Variants in ANKRD2 observed in about 807,000 individuals in gnomAD.
The protein encoded by ANKRD2 is ankyrin repeat domain 2, also known as ankyrin repeat domain-containing protein 2.
Under a neutral mutation model 37.3 loss-of-function variants are expected in ANKRD2, and 35 were observed. The ratio of observed to expected loss-of-function variants is 0.94; its 90% CI spans 0.72 to 1.24. The LOEUF (loss-of-function observed/expected upper bound fraction) is 1.24. ANKRD2 is among the 50% of genes most tolerant of loss of function. The pLI is 0.00. For synonymous variants in ANKRD2, 159 were observed against 186.5 expected (o/e 0.85, Z 1.20); for missense variants, 410 against 445.6 (o/e 0.92, Z 0.72).
intron 5 of ANKRD2, 100 bp from the exon 6 acceptor site, chr10:97,581,216 T>C: frequency 8.0e-7 from 1 of 1,257,630 alleles, no homozygotes; most frequent in Non-Finnish European, 1.1e-6. Flanking sequence ...TCCCTGTACC[T>C]TTCCCCTAGA....
chr10:97,581,724 G>A (rs2040900788), intron 6 of ANKRD2, among the ~76,000 whole-genome samples: 1 of 152,210 alleles, frequency 6.6e-6, no homozygotes, highest in Admixed American at 6.5e-5. Flanking sequence ...ATTTGTTCAT[G>A]TTATCTGTCA....
At chr10:97,582,846 C>G in intron 8 of ANKRD2, 144 bp downstream of exon 8, 1 of 683,194 alleles carries the variant, frequency 1.5e-6, no homozygotes, top group South Asian at 1.7e-5. Flanking sequence ...TTGTCCTCTT[C>G]CAGAGCACCA....
At position 97,580,871 on chromosome 10, in the gene ANKRD2, T is replaced by C; in HGVS notation, c.473T>C (p.Leu158Pro). 6.2e-7 allele frequency: 1 copy of C among 1,611,244 alleles called. No individual in the cohort carries two copies. Among genetic ancestry groups the C allele is most frequent in the Non-Finnish European group, 8.5e-7 (1 of 1,178,988 alleles). The change falls in exon 5 of 9, where the codon CTG becomes CCG. Residue 158 changes from leucine (L) to proline (P), a missense_variant. By Grantham distance (98) the Leu-to-Pro change is moderately conservative. Coordinates refer to ENST00000370655, the MANE Select transcript of ANKRD2 (RefSeq NM_001346793.2). ...DTCDQFRRTA[L>P]HRASLEGHME... ...TGGGGACAGTTCCGTCGGACAGCAC[T>C]GCACCGAGCTTCCCTGGAAGGCCAC...
At chr10:97,578,049 A>G in intron 2 of ANKRD2, 148 bp downstream of exon 2, 1 of 1,069,348 alleles carries the variant, frequency 9.4e-7, no homozygotes, top group Non-Finnish European at 1.3e-6. Context: ...GCCCCGTCCC[A>G]GAACTACTGA....
At position 97,582,590 on chromosome 10, in the gene ANKRD2, C is replaced by T. The variant is rs1335487175; in HGVS notation, c.754-14C>T. ...TGCCCACAAGGGCCATAGTGAGTGC[C>T]ACACTGACTCTAGGAAGGGGATACT... On this transcript the variant is annotated splice_polypyrimidine_tract_variant and intron_variant, in intron 7 of 8. Transcript: ENST00000370655. The T allele has an allele frequency of 1.2e-6, 2 of 1,611,736 alleles. No homozygotes were observed. Among genetic ancestry groups the T allele is most frequent in the Non-Finnish European group, 1.7e-6 (2 of 1,178,058 alleles).
chr10:97,581,731 G>A (rs1478574419), intron 6 of ANKRD2, among the ~76,000 whole-genome samples: 1 of 152,228 alleles, frequency 6.6e-6, no homozygotes, highest in Non-Finnish European at 1.5e-5. Flanking sequence ...CATGTTATCT[G>A]TCATTATCCT....
intron 4 of ANKRD2, among the ~76,000 whole-genome samples, chr10:97,579,789 T>C (rs1442100072): frequency 1.3e-5 from 2 of 152,142 alleles, no homozygotes; most frequent in East Asian, 3.9e-4. Flanking sequence ...GGTTTCAACA[T>C]GTTGGCCCTT....
upstream of ANKRD2, chr10:97,572,560 G>A (rs2040770498): frequency 1.0e-6 from 1 of 1,004,548 alleles, no homozygotes; most frequent in Admixed American, 2.9e-5. Context: ...CCTGCTCTTG[G>A]GACACAGTGC....
chr10:97,574,169 G>A (rs2040794038), intron 1 of ANKRD2, among the ~76,000 whole-genome samples: 1 of 152,138 alleles, frequency 6.6e-6, no homozygotes, highest in Non-Finnish European at 1.5e-5. Flanking sequence ...TGTAATCCCA[G>A]CTACTCAGGA....
intron 8 of ANKRD2, 71 bp from the exon 9 acceptor site, chr10:97,583,505 C>G: frequency 7.1e-7 from 1 of 1,416,588 alleles, no homozygotes; most frequent in Non-Finnish European, 9.4e-7. Context: ...AGGGTACCTT[C>G]TGTGAAAGCC....
rs1325666746 is a variant in ANKRD2 at position 97,578,254 on chromosome 10, G to A, written c.204G>A (p.Val68=). Reference sequence around the variant, plus strand: ...ATCCCGCGCAGGGCCAAGAGCGCGTGCGCAAGACGTCCCTGGACCTGCGGC... The same window carrying A: ...ATCCCGCGCAGGGCCAAGAGCGCGTACGCAAGACGTCCCTGGACCTGCGGC... The part of the protein sequence containing the change: ...ALQKVKGQER[V]RKTSLDLRRE... The change falls in exon 3 of 9, where the codon GTG becomes GTA. Residue 68 remains valine (V), a synonymous_variant. Coordinates refer to ENST00000370655, the MANE Select transcript of ANKRD2 (RefSeq NM_001346793.2). 1.2e-6 allele frequency: 2 copies of A among 1,612,494 alleles called. No individual in the cohort carries two copies. Among genetic ancestry groups the A allele is most frequent in the Non-Finnish European group, 1.7e-6 (2 of 1,179,858 alleles).
rs1024719418 is a variant in ANKRD2, at chr10:97,581,343, T to C, written c.583T>C (p.Cys195Arg). ...GGACTGCACAGCCATGCATTGGGCC[T>C]GCCGCGGGGGCCACTTAGAGGTGGT... ...RLDCTAMHWA[C>R]RGGHLEVVKL... is the part of the protein sequence containing the mutation. Residue 195 changes from cysteine (C) to arginine (R), a missense_variant, in exon 6 of 9, where the codon TGC (cysteine) becomes CGC (arginine). Physicochemically the swap from Cys to Arg is radical, Grantham distance 180 (BLOSUM62 -3). Coordinates refer to ENST00000370655, the MANE Select transcript of ANKRD2 (RefSeq NM_001346793.2). The C allele has an allele frequency of 1.9e-6, 3 of 1,614,166 alleles. No homozygotes were observed. The highest frequency in any genetic ancestry group is 2.5e-6 in the Non-Finnish European group (3 of 1,180,010).
chr10:97,583,126 G>A (rs2040924142), intron 8 of ANKRD2, among the ~76,000 whole-genome samples: 1 of 152,198 alleles, frequency 6.6e-6, no homozygotes, highest in South Asian at 2.1e-4. Context: ...CTTGGAAGGG[G>A]AAGGTGCCCA....
chr10:97,581,207 C>T (rs943520568), intron 5 of ANKRD2, 109 bp from the exon 6 acceptor site: 2 of 1,167,594 alleles, frequency 1.7e-6, no homozygotes, highest in African/African-American at 3.0e-5. Flanking sequence ...CAGGCCTGCT[C>T]CCTGTACCTT....
chr10:97,573,451 G>A (rs1418489909), intron 1 of ANKRD2, among the ~76,000 whole-genome samples: 3 of 151,500 alleles, frequency 2.0e-5, no homozygotes, highest in Admixed American at 6.6e-5. Context: ...TTTTTGAGAC[G>A]GGGTCTCCCT....
intron 1 of ANKRD2, 98 bp from the exon 2 acceptor site, chr10:97,577,702 C>A: frequency 9.8e-7 from 1 of 1,021,638 alleles, no homozygotes; most frequent in Non-Finnish European, 1.4e-6. Flanking sequence ...TCTGAGACCA[C>A]CCAGGAGGAT....
At position 97,572,959 on chromosome 10, in the gene ANKRD2, C is replaced by T. The variant is rs1450153069; in HGVS notation, c.87+84C>T. 353 of 1,480,566 alleles carry T rather than the reference C, an allele frequency of 2.4e-4. 1 individual carries two copies. The highest frequency in any genetic ancestry group is 6.6e-5 in the South Asian group (5 of 75,356). 91.7% of individuals were successfully genotyped at this position (1,480,566 alleles called of 1,614,324 possible). ...GGGGAGGGAGATCCTGTCTGCTACA[C>T]CTGTGGTGGGGAGGGGGGCAGATGT... On this transcript the variant is annotated intron_variant, in intron 1 of 8. Transcript: ENST00000370655.
chr10:97,574,069 T>A (rs1391465434), intron 1 of ANKRD2, among the ~76,000 whole-genome samples: 1 of 151,868 alleles, frequency 6.6e-6, no homozygotes, highest in Non-Finnish European at 1.5e-5. Context: ...GCAGATCACT[T>A]GAAGTCAAGA....
At chr10:97,582,812 T>C in intron 8 of ANKRD2, 110 bp downstream of exon 8, 2 of 896,822 alleles carry the variant, frequency 2.2e-6, no homozygotes, top group Non-Finnish European at 1.8e-6. Flanking sequence ...TCATTGGCTC[T>C]GGCCAGCACC....
Sources: allele counts gnomAD v4.1 joint callset (sites outside exome capture counted in the v4.1 genomes callset), GRCh38; gene constraint gnomAD v4.1.1; transcripts MANE v1.5; gene names NCBI Gene and HGNC (gene_info 2026-07-23, HGNC 2026-07-21).